Variants in ANKRD24 observed in about 807,000 individuals in gnomAD.
ANKRD24 encodes the protein ankyrin repeat domain 24.
ANKRD24 carries 109 observed loss-of-function variants against 127.8 expected under a neutral mutation model. The observed-to-expected ratio is 0.85, with a 90% CI of 0.73 to 1.00. ANKRD24 has a LOEUF of 1.00. Ranked by LOEUF, ANKRD24 falls within the 50% of genes least tolerant of loss-of-function variation. ANKRD24 has a pLI of 0.00. For missense variants in ANKRD24, 1,648 were observed against 1,570.2 expected, an observed-to-expected ratio of 1.05 and a Z score of -0.84; for synonymous variants, 743 against 671.1, an observed-to-expected ratio of 1.11 and a Z score of -1.66.
intron 2 of ANKRD24, among the ~76,000 whole-genome samples, chr19:4,193,729 C>T (rs999969226): frequency 1.3e-5 from 2 of 151,146 alleles, no homozygotes; most frequent in Non-Finnish European, 2.9e-5. Flanking sequence ...CCCAGATACT[C>T]GGGAGACTGA....
At chr19:4,189,071 A>G (rs1049120721) in intron 2 of ANKRD24, among the ~76,000 whole-genome samples, 3 of 146,530 alleles carry the variant, frequency 2.0e-5, no homozygotes, top group Non-Finnish European at 4.5e-5. Context: ...CAGCCTCCCA[A>G]AGTGCTGGAA....
rs922282751 is a variant in ANKRD24 at position 4,198,131 on chromosome 19, C to A, written c.37-1552C>A. 2.0e-5 allele frequency: 10 copies of A among 510,350 alleles called. No homozygotes were observed. In the East Asian group the frequency reaches 2.4e-4, roughly 12 times the overall value. The allele number at this position is 510,350 out of a possible 1,614,324, so 31.6% of individuals were successfully genotyped here. A position where few individuals can be genotyped will look rare whatever the true frequency, so the allele number is the denominator to read the frequency against. On this transcript the variant is annotated intron_variant, in intron 2 of 21. Coordinates refer to ENST00000318934, the MANE Select transcript of ANKRD24 (RefSeq NM_001393985.1). This position sits in a 1 kb window ranked among gnomAD's most constrained non-coding sequence, Gnocchi z 6.1. ...GAGGTGGAGATGGACGCCCGCGGGT[C>A]CCCTGGAGATGCAGCCGGCGGCCTG...
At chr19:4,210,166 G>A (rs1221349352) in intron 12 of ANKRD24, 28 bp downstream of exon 12, 6 of 1,585,866 alleles carry the variant, frequency 3.8e-6, no homozygotes, top group South Asian at 2.3e-5. Flanking sequence ...CACGGGAGGA[G>A]GCATGGGGAG....
chr19:4,193,460 G>A (rs1019544101), intron 2 of ANKRD24, among the ~76,000 whole-genome samples: 2 of 151,524 alleles, frequency 1.3e-5, no homozygotes, highest in Non-Finnish European at 2.9e-5. Flanking sequence ...AGCTGCACTG[G>A]CCAAGGCTTG....
At position 4,199,817 on chromosome 19, in the gene ANKRD24, G is replaced by C; in HGVS notation, c.123+48G>C. On this transcript the variant is annotated intron_variant, in intron 3 of 21. Coordinates refer to ENST00000318934, the MANE Select transcript of ANKRD24 (RefSeq NM_001393985.1). This position sits in a 1 kb window ranked among gnomAD's most constrained non-coding sequence, Gnocchi z 5.2. ...TGAGAGCCCGGAGCCCCTGTCGGGG[G>C]CGTGGGGAGGGGACAGCAGCCAACA... is the stretch of plus-strand genomic sequence containing the variant. 1 of 1,534,560 alleles carries C rather than the reference G, an allele frequency of 6.5e-7. No individual in the cohort carries two copies. Among genetic ancestry groups the C allele is most frequent in the South Asian group, 1.2e-5 (1 of 83,444 alleles).
intron 16 of ANKRD24, 84 bp downstream of exon 16, chr19:4,216,134 T>G: frequency 6.8e-7 from 1 of 1,466,124 alleles, no homozygotes; most frequent in South Asian, 1.2e-5. Context: ...TGGGGGAGTT[T>G]GAAGCTGGGA....
chr19:4,203,957 CTTTT>C (rs34885254), intron 7 of ANKRD24, among the ~76,000 whole-genome samples: 35 of 62,396 alleles, frequency 5.6e-4, no homozygotes, highest in South Asian at 8.1e-4. Flanking sequence ...GCCCTTCTCC[CTTTT>C]TTTTTTTTTT....
chr19:4,212,137 T>G (rs1969775618), intron 13 of ANKRD24, among the ~76,000 whole-genome samples: 1 of 151,206 alleles, frequency 6.6e-6, no homozygotes, highest in Non-Finnish European at 1.5e-5. Context: ...GAGACGCAGC[T>G]TGCAGTGAGC....
intron 2 of ANKRD24, 85 bp downstream of exon 2, chr19:4,186,546 C>T (rs1968075265): frequency 7.7e-6 from 11 of 1,426,696 alleles, no homozygotes; most frequent in Non-Finnish European, 1.1e-5. Flanking sequence ...TCCACCCTTT[C>T]ATTCCAGTAC....
chr19:4,210,097 A>T lies in ANKRD24; in HGVS notation c.910A>T (p.Lys304Ter). 2.5e-6 allele frequency: 4 copies of T among 1,612,522 alleles called. No individual in the cohort carries two copies. The highest frequency in any genetic ancestry group is 3.4e-6 in the Non-Finnish European group (4 of 1,179,426). The change falls in exon 12 of 22, where the codon AAG becomes TAG. Residue 304 changes from lysine to a stop codon, truncating the protein, a stop_gained. Coordinates refer to ENST00000318934, the MANE Select transcript of ANKRD24 (RefSeq NM_001393985.1). LOFTEE classifies it high-confidence loss of function. ...CCATGGAAAGCAGGGGGCCCCCAAGAAGCGGAAGGCGCCTCCACCTCCCGC... is the reference window on the plus strand; with the variant it reads ...CCATGGAAAGCAGGGGGCCCCCAAGTAGCGGAAGGCGCCTCCACCTCCCGC... Reference protein sequence around the residue: ...SSHGKQGAPKKRKAPPPPASI... With the variant: ...SSHGKQGAPK
At position 4,197,498 on chromosome 19, in the gene ANKRD24, A is replaced by ATGAATGCAGGAATGAG. The variant is rs1296216738; in HGVS notation, c.37-2172_37-2157dup. Among the ~76,000 whole-genome samples, 4 of 152,012 alleles carry ATGAATGCAGGAATGAG rather than the reference A, an allele frequency of 2.6e-5. No homozygotes were observed. In the East Asian group the frequency reaches 5.8e-4, roughly 22 times the overall value. ...AATGGATGAACAAATGAGTGAGTTA[A>ATGAATGCAGGAATGAG]TGAATGCAGGAATGAGTGAATGCAG... is the stretch of plus-strand genomic sequence containing the variant. On this transcript the variant is annotated intron_variant, in intron 2 of 21. Coordinates refer to ENST00000318934, the MANE Select transcript of ANKRD24 (RefSeq NM_001393985.1).
At chr19:4,205,424 T>G (rs1043854510) in intron 7 of ANKRD24, among the ~76,000 whole-genome samples, 1 of 152,230 alleles carries the variant, frequency 6.6e-6, no homozygotes, top group African/African-American at 2.4e-5. Context: ...AGACTGGATG[T>G]CAACCTGCTG....
At chr19:4,197,009 A>T (rs1006981472) in intron 2 of ANKRD24, among the ~76,000 whole-genome samples, 1 of 152,154 alleles carries the variant, frequency 6.6e-6, no homozygotes, top group South Asian at 2.1e-4. Flanking sequence ...GGAACGAGTC[A>T]CAGTTTTATG....
intron 20 of ANKRD24, among the ~76,000 whole-genome samples, chr19:4,223,522 C>T (rs1970579311): frequency 6.6e-6 from 1 of 150,860 alleles, no homozygotes. Flanking sequence ...ATTCTCCTGC[C>T]TCAGCTTCCT....
rs772418295 is a variant in ANKRD24 at position 4,199,862 on chromosome 19, G to A, written c.124-13G>A. 6 of 1,563,264 alleles carry A rather than the reference G, an allele frequency of 3.8e-6. No individual in the cohort carries two copies. Among genetic ancestry groups the A allele is most frequent in the East Asian group, 2.4e-5 (1 of 41,780 alleles). On this transcript the variant is annotated splice_polypyrimidine_tract_variant and intron_variant, in intron 3 of 21. Transcript: ENST00000318934. This position sits in a 1 kb window ranked among gnomAD's most constrained non-coding sequence, Gnocchi z 5.2. The stretch of plus-strand genomic sequence containing the variant: ...CCAACACTGCCCCACGCACTTCTGG[G>A]CGTGCCCTGCAGAGTCAAGACTGGG...
Position 4,207,392 on chromosome 19 carries a change from T to C in ANKRD24, c.537+80T>C. The C allele has an allele frequency of 3.2e-6, 5 of 1,579,140 alleles. No homozygotes were observed. In the South Asian group the frequency reaches 5.5e-5, roughly 17 times the overall value. On this transcript the variant is annotated intron_variant, in intron 8 of 21. Coordinates refer to ENST00000318934, the MANE Select transcript of ANKRD24 (RefSeq NM_001393985.1). ...CAAGTGGCAGTATCTCAGGCACCCT[T>C]TGAAAGTCTGAGAAAGTTTGAGGTG...
chr19:4,183,454 G>A (rs1328219857), intron 1 of ANKRD24: 4 of 641,950 alleles, frequency 6.2e-6, no homozygotes, highest in Non-Finnish European at 7.8e-6. Flanking sequence ...TGGTGGCTGC[G>A]GGTGGACACA....
rs1968884701 is a variant in ANKRD24 at position 4,198,378 on chromosome 19, G to A, written c.37-1305G>A. ...ACCGGGCGGGCGGGCGGGGCGGGGA[G>A]CTCCGGCAGCGCCCAGCCCCGCCCT... On this transcript the variant is annotated intron_variant, in intron 2 of 21. Transcript: ENST00000318934. The surrounding 1 kb of genome is among the most constrained non-coding windows in gnomAD (Gnocchi z 6.1). 1 of 423,776 alleles carries A rather than the reference G, an allele frequency of 2.4e-6. No individual in the cohort carries two copies. The highest frequency in any genetic ancestry group is 4.1e-6 in the Non-Finnish European group (1 of 241,082). The allele number at this position is 423,776 out of a possible 1,614,324, so 26.3% of individuals were successfully genotyped here.
At chr19:4,185,554 C>G (rs1968013127) in intron 1 of ANKRD24, among the ~76,000 whole-genome samples, 1 of 152,216 alleles carries the variant, frequency 6.6e-6, no homozygotes, top group Admixed American at 6.5e-5. Context: ...TCAAGATAGG[C>G]CTGCCTGACC....
Sources: gnomAD v4.1 joint callset for allele counts (sites outside exome capture counted in the v4.1 genomes callset) on GRCh38, gnomAD v4.1.1 for gene constraint, Gnocchi (gnomAD v3.1) non-coding constraint, MANE v1.5 for transcripts, NCBI Gene and HGNC (gene_info 2026-07-23, HGNC 2026-07-21) for gene names.